Variants in ZNF668 observed in about 807,000 individuals in gnomAD.
The protein encoded by ZNF668 is zinc finger protein 668.
In ZNF668, 10 loss-of-function variants were observed where a neutral mutation model predicts 40.3. The ratio of observed to expected loss-of-function variants is 0.25; its 90% CI spans 0.15 to 0.42. The LOEUF (loss-of-function observed/expected upper bound fraction) is 0.42. Ranked by LOEUF, ZNF668 falls within the 10% of genes least tolerant of loss-of-function variation. ZNF668 has a pLI of 1.00. For missense variants in ZNF668, 749 were observed against 904.6 expected (o/e 0.83, Z 2.21); for synonymous variants, 428 against 384.6 (o/e 1.11, Z -1.32).
chr16:31,069,671 T>C (rs2057001288), intron 1 of ZNF668, among the ~76,000 whole-genome samples: 1 of 152,124 alleles, frequency 6.6e-6, no homozygotes, highest in Non-Finnish European at 1.5e-5. Context: ...ATTATTATTA[T>C]TATTTTTTGA....
Sources: gnomAD v4.1 joint callset for allele counts (sites outside exome capture counted in the v4.1 genomes callset) on GRCh38, gnomAD v4.1.1 for gene constraint, MANE v1.5 for transcripts, NCBI Gene and HGNC (gene_info 2026-07-23, HGNC 2026-07-21) for gene names.